The following SPATA31F3 variants were observed in gnomAD, a reference collection of about 807,000 sequenced individuals.
SPATA31F3 encodes the protein protein SPATA31F3.
the SPATA31F3 span, chr9:34,893,045 C>A: frequency 1.1e-6 from 1 of 933,408 alleles, no homozygotes; most frequent in Non-Finnish European, 1.6e-6. Flanking sequence ...GTTGTTCTCA[C>A]CTGCCAGCAA....
chr9:34,895,471 T>C, the SPATA31F3 span: 5 of 397,746 alleles, frequency 1.3e-5, no homozygotes, highest in East Asian at 1.8e-4. Flanking sequence ...TGGTGTCCAG[T>C]GAGGAGACCC....
At chr9:34,895,516 A>G in the SPATA31F3 span, 1 of 398,510 alleles carries the variant, frequency 2.5e-6, no homozygotes, top group Non-Finnish European at 4.4e-6. Context: ...AACAAGAGAA[A>G]GCTCGGGGAT....
chr9:34,893,469 C>T, the SPATA31F3 span, among the ~76,000 whole-genome samples: 1 of 151,394 alleles, frequency 6.6e-6, no homozygotes, highest in African/African-American at 2.4e-5. Flanking sequence ...GGCATGGTGG[C>T]GTATGCCTGT....
the SPATA31F3 span, among the ~76,000 whole-genome samples, chr9:34,890,763 G>A: frequency 6.6e-6 from 1 of 152,328 alleles, no homozygotes; most frequent in South Asian, 2.1e-4. Flanking sequence ...TGTATCTCAA[G>A]GAATTTATTT....
At chr9:34,895,288 C>T in the SPATA31F3 span, among the ~76,000 whole-genome samples, 1 of 152,294 alleles carries the variant, frequency 6.6e-6, no homozygotes, top group African/African-American at 2.4e-5. Flanking sequence ...CTTCCATACT[C>T]CATGCCTCCC....
At chr9:34,889,377 G>T in the SPATA31F3 span, 2 of 398,418 alleles carry the variant, frequency 5.0e-6, no homozygotes, top group Non-Finnish European at 8.8e-6. Flanking sequence ...GGCACTGGGG[G>T]CATCACAGAA....
chr9:34,895,330 CT>C, the SPATA31F3 span, among the ~76,000 whole-genome samples: 15 of 152,202 alleles, frequency 9.9e-5, no homozygotes, highest in South Asian at 3.1e-3. Flanking sequence ...TCGGTGGGGA[CT>C]TTAGGATGAG....
the SPATA31F3 span, among the ~76,000 whole-genome samples, chr9:34,890,730 T>G: frequency 6.6e-6 from 1 of 152,240 alleles, no homozygotes; most frequent in Non-Finnish European, 1.5e-5. Flanking sequence ...CTGGATTCCC[T>G]TGTTTTTATG....
At chr9:34,889,407 G>C in the SPATA31F3 span, 3 of 398,630 alleles carry the variant, frequency 7.5e-6, no homozygotes, top group Non-Finnish European at 1.3e-5. Flanking sequence ...TTCCTCCTCA[G>C]TAGAAGGAGG....
the SPATA31F3 span, chr9:34,894,485 CT>C: frequency 2.5e-6 from 1 of 398,620 alleles, no homozygotes; most frequent in Non-Finnish European, 4.4e-6. Flanking sequence ...CGGCTTCTTC[CT>C]GTGAAGTTCT....
the SPATA31F3 span, among the ~76,000 whole-genome samples, chr9:34,891,044 G>C: frequency 6.6e-6 from 1 of 152,192 alleles, no homozygotes; most frequent in Non-Finnish European, 1.5e-5. Context: ...GCCCTGGAAA[G>C]AGCCACATAA....
chr9:34,890,208 C>T, the SPATA31F3 span, among the ~76,000 whole-genome samples: 1 of 152,286 alleles, frequency 6.6e-6, no homozygotes, highest in East Asian at 1.9e-4. Context: ...CCCTACTCGC[C>T]CCTGAACCTT....
chr9:34,893,217 G>T, the SPATA31F3 span: 1 of 467,404 alleles, frequency 2.1e-6, no homozygotes, highest in Non-Finnish European at 3.8e-6. Context: ...AAAAGTGTGG[G>T]CCGGGGTTGG....
At chr9:34,894,493 T>C in the SPATA31F3 span, 1 of 398,598 alleles carries the variant, frequency 2.5e-6, no homozygotes, top group Non-Finnish European at 4.4e-6. Context: ...TCCTGTGAAG[T>C]TCTCCTAGCT....
At chr9:34,890,939 A>G in the SPATA31F3 span, among the ~76,000 whole-genome samples, 2 of 152,204 alleles carry the variant, frequency 1.3e-5, no homozygotes, top group Admixed American at 1.3e-4. Context: ...AGCATGGCCC[A>G]GGACTTACAC....
At chr9:34,894,288 G>T in the SPATA31F3 span, among the ~76,000 whole-genome samples, 1 of 152,146 alleles carries the variant, frequency 6.6e-6, no homozygotes, top group East Asian at 1.9e-4. Flanking sequence ...CAGCCCCCCT[G>T]CCCTGGTAAC....
the SPATA31F3 span, chr9:34,894,992 A>C: frequency 2.5e-6 from 1 of 398,350 alleles, no homozygotes; most frequent in East Asian, 3.6e-5. Flanking sequence ...ATCCGTGGGA[A>C]CCTCACTCAC....
the SPATA31F3 span, among the ~76,000 whole-genome samples, chr9:34,889,855 G>T: frequency 1.3e-5 from 2 of 152,174 alleles, no homozygotes; most frequent in Non-Finnish European, 2.9e-5. Flanking sequence ...GGCCCAGTAA[G>T]TTGGCCCTTT....
chr9:34,895,170 G>A, the SPATA31F3 span: 1 of 398,014 alleles, frequency 2.5e-6, no homozygotes, highest in East Asian at 3.6e-5. Context: ...AACATTTCCT[G>A]GTCTTTTTCT....
Sources: gnomAD v4.1 joint callset for allele counts (sites outside exome capture counted in the v4.1 genomes callset) on GRCh38, gnomAD v4.1.1 for gene constraint, MANE v1.5 for transcripts, NCBI Gene and HGNC (gene_info 2026-07-23, HGNC 2026-07-21) for gene names.